The following POLR1D variants were observed in gnomAD, a reference collection of about 807,000 sequenced individuals.
POLR1D encodes the protein RNA polymerase I and III subunit D, also known as DNA-directed RNA polymerases I and III subunit RPAC2.
POLR1D carries 8 observed loss-of-function variants against 10.8 expected under a neutral mutation model. That is an observed-to-expected ratio of 0.74 (90% confidence interval 0.43 to 1.33). The LOEUF is 1.33. Ranked by LOEUF, POLR1D falls within the 40% of genes most tolerant of loss-of-function variation. The probability of loss-of-function intolerance (pLI) is 0.01; values close to 1 mark genes in which losing one functional copy is unlikely to be tolerated. For missense variants in POLR1D, 152 were observed against 161.7 expected, an observed-to-expected ratio of 0.94 and a Z score of 0.32; for synonymous variants, 54 against 57.2, an observed-to-expected ratio of 0.94 and a Z score of 0.25.
exon 2 of POLR1D, chr13:27,648,414 G>A (rs1215916836): frequency 1.4e-5 from 23 of 1,611,042 alleles, no homozygotes; most frequent in Admixed American, 3.3e-5. Flanking sequence ...GAGGCAAAAC[G>A]TGGGAAAACT....
At chr13:27,656,204 A>T (rs1185106499) in intron 2 of POLR1D, among the ~76,000 whole-genome samples, 1 of 152,224 alleles carries the variant, frequency 6.6e-6, no homozygotes, top group Non-Finnish European at 1.5e-5. Context: ...AAAAGATACC[A>T]TACAAAAAGT....
At chr13:27,645,470 A>G (rs1011175961) in intron 1 of POLR1D, among the ~76,000 whole-genome samples, 1 of 152,138 alleles carries the variant, frequency 6.6e-6, no homozygotes, top group Admixed American at 6.6e-5. Context: ...AAGTTAGTCG[A>G]TGTCTCTGAA....
intron 1 of POLR1D, among the ~76,000 whole-genome samples, chr13:27,641,600 TAGG>T (rs1956173789): frequency 1.3e-5 from 2 of 152,298 alleles, no homozygotes; most frequent in South Asian, 4.1e-4. Context: ...TTTGTCAAGA[TAGG>T]AAGAAGAAAT....
intron 2 of POLR1D, among the ~76,000 whole-genome samples, chr13:27,655,794 A>G (rs940157772): frequency 6.6e-6 from 1 of 152,214 alleles, no homozygotes; most frequent in African/African-American, 2.4e-5. Flanking sequence ...GACTAAAGAC[A>G]TTAGTGAGAG....
At chr13:27,656,964 G>A (rs1956313408) in intron 2 of POLR1D, among the ~76,000 whole-genome samples, 1 of 152,140 alleles carries the variant, frequency 6.6e-6, no homozygotes, top group African/African-American at 2.4e-5. Flanking sequence ...TATCTACTAT[G>A]TATGTGAAAA....
At chr13:27,629,010 G>A (rs1417733858) in intron 1 of POLR1D, among the ~76,000 whole-genome samples, 1 of 152,036 alleles carries the variant, frequency 6.6e-6, no homozygotes, top group Non-Finnish European at 1.5e-5. Flanking sequence ...TTTGTGTGTG[G>A]AGACAGTCTC....
chr13:27,667,004 C>T (rs1228279141), exon 3 of POLR1D: 1 of 128,592 alleles, frequency 7.8e-6, no homozygotes, highest in African/African-American at 2.6e-5. Flanking sequence ...TCCCTGCTCC[C>T]TACTTCCTGG....
chr13:27,654,297 T>G (rs1217798540), intron 2 of POLR1D, among the ~76,000 whole-genome samples: 1 of 152,248 alleles, frequency 6.6e-6, no homozygotes, highest in African/African-American at 2.4e-5. Flanking sequence ...CTACTTATTC[T>G]TGATTTTGTA....
intron 1 of POLR1D, among the ~76,000 whole-genome samples, chr13:27,640,673 G>A (rs992341693): frequency 6.6e-6 from 1 of 151,186 alleles, no homozygotes; most frequent in African/African-American, 2.4e-5. Context: ...ATATGTGTAG[G>A]TCTATGTGGA....
At chr13:27,634,157 A>T (rs917814402) in intron 1 of POLR1D, among the ~76,000 whole-genome samples, 3 of 152,198 alleles carry the variant, frequency 2.0e-5, no homozygotes, top group Non-Finnish European at 4.4e-5. Context: ...GGGGCTTATG[A>T]TTAGAAACTT....
downstream of POLR1D, among the ~76,000 whole-genome samples, chr13:27,625,407 A>C (rs2138523173): frequency 1.3e-5 from 2 of 152,260 alleles, no homozygotes; most frequent in South Asian, 4.1e-4. Flanking sequence ...TTGAATTGGC[A>C]CAGAATTGGT....
chr13:27,641,872 T>C (rs945397261), intron 1 of POLR1D, among the ~76,000 whole-genome samples: 1 of 152,176 alleles, frequency 6.6e-6, no homozygotes, highest in Non-Finnish European at 1.5e-5. Context: ...ACAGCAAATG[T>C]AGTGTTGGCA....
At chr13:27,634,785 C>T (rs1446570796) in intron 1 of POLR1D, among the ~76,000 whole-genome samples, 1 of 151,316 alleles carries the variant, frequency 6.6e-6, no homozygotes, top group Non-Finnish European at 1.5e-5. Flanking sequence ...AAGCAGTCCT[C>T]CCACCTCAGC....
intron 1 of POLR1D, among the ~76,000 whole-genome samples, chr13:27,630,128 G>A (rs1353884137): frequency 6.6e-6 from 1 of 152,188 alleles, no homozygotes; most frequent in East Asian, 1.9e-4. Context: ...GGACAGGCTG[G>A]TCTTGAACTC....
downstream of POLR1D, among the ~76,000 whole-genome samples, chr13:27,626,260 A>C (rs1956008266): frequency 6.6e-6 from 1 of 152,246 alleles, no homozygotes; most frequent in African/African-American, 2.4e-5. Context: ...AAGTTTAATT[A>C]GTGGACATCA....
chr13:27,652,468 A>G (rs529637360), intron 2 of POLR1D, among the ~76,000 whole-genome samples: 2 of 152,310 alleles, frequency 1.3e-5, no homozygotes, highest in Non-Finnish European at 2.9e-5. Context: ...CAGTTTTCCA[A>G]ATCTCCCAAT....
At chr13:27,649,110 A>G (rs1956245481) in intron 2 of POLR1D, among the ~76,000 whole-genome samples, 1 of 152,198 alleles carries the variant, frequency 6.6e-6, no homozygotes, top group African/African-American at 2.4e-5. Flanking sequence ...TAGTGATGCC[A>G]TTTGCATTTG....
chr13:27,666,070 TTTG>T, exon 3 of POLR1D: 1 of 928,664 alleles, frequency 1.1e-6, no homozygotes, highest in Non-Finnish European at 1.6e-6. Flanking sequence ...CATTAGGTCC[TTTG>T]TTGTTTTTAA....
Position 27,623,174 on chromosome 13 carries a change from A to G in POLR1D, c.326A>G (p.His109Arg). The G allele has an allele frequency of 6.2e-7, 1 of 1,614,150 alleles. No individual in the cohort carries two copies. The highest frequency in any genetic ancestry group is 8.5e-7 in the Non-Finnish European group (1 of 1,180,008). ...AATGAGCTCATGAATGTCTGCCAAC[A>G]TGTGCTTGACAAGTTTGAGGCCAGC... ...GLNELMNVCQ[H>R]VLDKFEASIK... The change falls in exon 2 of 2, where the codon CAT becomes CGT. Residue 109 changes from histidine (H) to arginine (R), a missense_variant. Coordinates refer to ENST00000302979, the MANE Select transcript of POLR1D (RefSeq NM_015972.4).
Sources: gnomAD v4.1 joint callset for allele counts (sites outside exome capture counted in the v4.1 genomes callset) on GRCh38, gnomAD v4.1.1 for gene constraint, MANE v1.5 for transcripts, NCBI Gene and HGNC (gene_info 2026-07-23, HGNC 2026-07-21) for gene names.